CHCHD3: variants seen among roughly 807,000 people sequenced by gnomAD.
CHCHD3 encodes the protein coiled-coil-helix-coiled-coil-helix domain containing 3.
A neutral mutation model predicts 38.2 loss-of-function variants in CHCHD3; 20 were observed. The observed-to-expected ratio is 0.52, with a 90% confidence interval of 0.37 to 0.76. The LOEUF is 0.76. Ranked by LOEUF, CHCHD3 falls within the 30% of genes least tolerant of loss-of-function variation. The pLI is 0.00. For missense variants in CHCHD3, 245 were observed against 279.2 expected, an observed-to-expected ratio of 0.88 and a Z score of 0.87; for synonymous variants, 82 against 100.0, an observed-to-expected ratio of 0.82 and a Z score of 1.07.
intron 6 of CHCHD3, among the ~76,000 whole-genome samples, chr7:132,799,712 T>C (rs1157068703): frequency 1.3e-5 from 2 of 152,184 alleles, no homozygotes; most frequent in African/African-American, 4.8e-5. Flanking sequence ...GAGTCAACCT[T>C]TGAAAATATA....
intron 4 of CHCHD3, among the ~76,000 whole-genome samples, chr7:132,946,212 A>G (rs537899819): frequency 5.5e-4 from 83 of 151,968 alleles, no homozygotes; most frequent in African/African-American, 1.9e-3. Context: ...ATATACATAT[A>G]ATGTACACAC....
intron 5 of CHCHD3, among the ~76,000 whole-genome samples, chr7:132,860,483 C>T (rs1255607611): frequency 2.0e-5 from 3 of 152,308 alleles, no homozygotes; most frequent in East Asian, 3.9e-4. Flanking sequence ...CATCTTATAT[C>T]CAGTCCAGCA....
At chr7:132,913,157 A>G (rs1809998711) in intron 4 of CHCHD3, among the ~76,000 whole-genome samples, 1 of 152,162 alleles carries the variant, frequency 6.6e-6, no homozygotes. Flanking sequence ...AAGTGAAGGG[A>G]ATCCACCTTC....
At chr7:132,907,158 C>CCCT (rs554753556) in intron 4 of CHCHD3, among the ~76,000 whole-genome samples, 46 of 152,292 alleles carry the variant, frequency 3.0e-4, no homozygotes, top group Admixed American at 1.9e-3. Flanking sequence ...TTGTACAAGA[C>CCCT]CCTCAGTCAC....
At chr7:132,947,907 A>C (rs1015500709) in intron 4 of CHCHD3, among the ~76,000 whole-genome samples, 1 of 152,094 alleles carries the variant, frequency 6.6e-6, no homozygotes, top group Non-Finnish European at 1.5e-5. Context: ...TGACATACAG[A>C]TATCATTTAA....
intron 4 of CHCHD3, among the ~76,000 whole-genome samples, chr7:132,931,143 G>A (rs528576151): frequency 8.5e-4 from 129 of 152,260 alleles, no homozygotes; most frequent in African/African-American, 2.7e-3. Context: ...ATCAAGTCAC[G>A]ATCTACTCAC....
intron 4 of CHCHD3, among the ~76,000 whole-genome samples, chr7:132,938,941 T>C (rs1810697215): frequency 6.6e-6 from 1 of 152,174 alleles, no homozygotes; most frequent in Non-Finnish European, 1.5e-5. Context: ...CTGGTGAGTG[T>C]CATTCTTGAT....
chr7:132,899,363 T>C (rs1809605786), intron 4 of CHCHD3, among the ~76,000 whole-genome samples: 1 of 152,156 alleles, frequency 6.6e-6, no homozygotes, highest in Non-Finnish European at 1.5e-5. Context: ...CCAGAGCGCA[T>C]GGTGGATCCC....
chr7:132,799,577 T>G (rs1268730968), intron 6 of CHCHD3, among the ~76,000 whole-genome samples: 1 of 152,140 alleles, frequency 6.6e-6, no homozygotes, highest in Non-Finnish European at 1.5e-5. Flanking sequence ...GGCAAAGAAA[T>G]GGTGAATGAC....
chr7:132,985,537 G>A (rs576578093), intron 3 of CHCHD3, among the ~76,000 whole-genome samples: 8 of 77,804 alleles, frequency 1.0e-4, no homozygotes, highest in African/African-American at 2.1e-4. Context: ...CAGCCGCCCC[G>A]TCCAGGAGGG....
chr7:132,816,259 C>A lies in CHCHD3; in HGVS notation c.525-19682G>T, dbSNP rs530740368. Reference sequence around the variant, plus strand: ...CACATCCTCTAAAAGGGAAGCAAAGCCAGGAAAAAAAATCATCTGGGCTTA... The same window carrying A: ...CACATCCTCTAAAAGGGAAGCAAAGACAGGAAAAAAAATCATCTGGGCTTA... On this transcript the variant is annotated intron_variant, in intron 6 of 7. Transcript: ENST00000262570. Among the ~76,000 whole-genome samples the A allele has an allele frequency of 3.3e-5, 5 of 152,164 alleles. No individual in the cohort carries two copies. In the East Asian group the frequency reaches 9.6e-4, roughly 29 times the overall value.
At chr7:132,935,858 C>T (rs1352151559) in intron 4 of CHCHD3, among the ~76,000 whole-genome samples, 3 of 152,194 alleles carry the variant, frequency 2.0e-5, no homozygotes, top group Non-Finnish European at 2.9e-5. Flanking sequence ...GCGCCAGCAT[C>T]TGCTTGGCAT....
intron 4 of CHCHD3, among the ~76,000 whole-genome samples, chr7:132,954,457 A>T (rs963997604): frequency 2.0e-5 from 3 of 152,098 alleles, no homozygotes; most frequent in Non-Finnish European, 4.4e-5. Flanking sequence ...GGCTGGCAGA[A>T]CCCACGTCCT....
intron 5 of CHCHD3, among the ~76,000 whole-genome samples, chr7:132,869,327 C>T (rs1447798844): frequency 1.3e-5 from 2 of 152,084 alleles, no homozygotes; most frequent in Non-Finnish European, 2.9e-5. Flanking sequence ...TATTACAATA[C>T]CATAGAATTT....
intron 3 of CHCHD3, among the ~76,000 whole-genome samples, chr7:132,995,916 G>C (rs1438988715): frequency 6.6e-6 from 1 of 152,026 alleles, no homozygotes; most frequent in Non-Finnish European, 1.5e-5. Context: ...ATTTTAACAG[G>C]TGTTTTATGT....
chr7:132,934,872 CTATTTA>C (rs1585652614), intron 4 of CHCHD3, among the ~76,000 whole-genome samples: 2 of 152,128 alleles, frequency 1.3e-5, no homozygotes, highest in African/African-American at 2.4e-5. Context: ...TTCTCAATTT[CTATTTA>C]TAACACATTT....
chr7:132,911,467 A>G (rs1159959971), intron 4 of CHCHD3, among the ~76,000 whole-genome samples: 1 of 152,216 alleles, frequency 6.6e-6, no homozygotes, highest in Admixed American at 6.5e-5. Flanking sequence ...AGGCAGACAC[A>G]AGACGCTGAC....
At chr7:132,879,906 T>TA (rs577315514) in intron 5 of CHCHD3, among the ~76,000 whole-genome samples, 48 of 152,164 alleles carry the variant, frequency 3.2e-4, no homozygotes, top group Admixed American at 1.2e-3. Flanking sequence ...AACTCGATAT[T>TA]AAAATAACTC....
At position 132,972,795 on chromosome 7, in the gene CHCHD3, G is replaced by A. The variant is rs145428794; in HGVS notation, c.369+2374C>T. 6 of 985,416 alleles carry A rather than the reference G, an allele frequency of 6.1e-6. No individual in the cohort carries two copies. In the East Asian group the frequency reaches 6.8e-4, roughly 112 times the overall value. The allele number at this position is 985,416 out of a possible 1,614,324, so 61.0% of individuals were successfully genotyped here. ...TTACAACAGATGCTGAAATACAGGA[G>A]TTGTGAGTACTACAATTTGTCATCT... On this transcript the variant is annotated intron_variant, in intron 4 of 7. Transcript: ENST00000262570.
Sources: gnomAD v4.1 joint callset for allele counts (sites outside exome capture counted in the v4.1 genomes callset) on GRCh38, gnomAD v4.1.1 for gene constraint, MANE v1.5 for transcripts, NCBI Gene and HGNC (gene_info 2026-07-23, HGNC 2026-07-21) for gene names.